GRM1: variants seen among roughly 807,000 people sequenced by gnomAD.
The protein encoded by GRM1 is metabotropic glutamate receptor 1.
In GRM1, 33 loss-of-function variants were observed where a neutral mutation model predicts 90.9. The ratio of observed to expected loss-of-function variants is 0.36; its 90% confidence interval spans 0.28 to 0.49. The LOEUF (loss-of-function observed/expected upper bound fraction) is 0.49, where lower values mean the gene tolerates loss of function less well. GRM1 is among the 20% of genes least tolerant of loss of function. GRM1 has a pLI of 0.99. For synonymous variants in GRM1, 700 were observed against 613.2 expected (o/e 1.14, Z -2.09); for missense variants, 1,190 against 1,534.3 (o/e 0.78, Z 3.75).
chr6:146,110,785 A>T (rs1775528072), intron 1 of GRM1, among the ~76,000 whole-genome samples: 1 of 152,178 alleles, frequency 6.6e-6, no homozygotes, highest in Non-Finnish European at 1.5e-5. Flanking sequence ...AGATGTTTAG[A>T]GATAAGGAAT....
At chr6:146,211,906 A>C (rs1321760994) in intron 2 of GRM1, among the ~76,000 whole-genome samples, 1 of 152,132 alleles carries the variant, frequency 6.6e-6, no homozygotes, top group East Asian at 1.9e-4. Context: ...TCATTAGGAG[A>C]GGTACATATT....
At chr6:146,418,402 A>G (rs1353685972) in intron 7 of GRM1, among the ~76,000 whole-genome samples, 1 of 151,746 alleles carries the variant, frequency 6.6e-6, no homozygotes, top group Non-Finnish European at 1.5e-5. Flanking sequence ...ATAAATATTT[A>G]CAGTGTGCAA....
intron 3 of GRM1, among the ~76,000 whole-genome samples, chr6:146,307,485 G>C (rs1283300664): frequency 1.3e-5 from 2 of 151,942 alleles, no homozygotes; most frequent in African/African-American, 4.8e-5. Context: ...TACCTACCTT[G>C]GTCTTCGGTT....
At chr6:146,364,776 ATTTTT>A (rs11389715) in intron 5 of GRM1, among the ~76,000 whole-genome samples, 4 of 141,792 alleles carry the variant, frequency 2.8e-5, no homozygotes, top group African/African-American at 1.0e-4. Flanking sequence ...CTCTTCTTCT[ATTTTT>A]TTTTTTTTTG....
chr6:146,135,695 A>C (rs946795118), intron 1 of GRM1, among the ~76,000 whole-genome samples: 3 of 152,190 alleles, frequency 2.0e-5, no homozygotes, highest in Non-Finnish European at 2.9e-5. Context: ...TATGGAGTAC[A>C]TAAGATATTT....
Position 146,029,708 on chromosome 6 carries a change from A to G in GRM1, c.191A>G (p.Glu64Gly). 6.2e-7 allele frequency: 1 copy of G among 1,614,040 alleles called. No homozygotes were observed. The highest frequency in any genetic ancestry group is 8.5e-7 in the Non-Finnish European group (1 of 1,180,016). ...HHQPPAEKVP[E>G]RKCGEIREQY... is the part of the protein sequence containing the mutation. ...CAGCCTCCGGCCGAGAAAGTGCCCGAGAGGAAGTGTGGGGAGATCAGGGAG... is the reference window on the plus strand; with the variant it reads ...CAGCCTCCGGCCGAGAAAGTGCCCGGGAGGAAGTGTGGGGAGATCAGGGAG... The change falls in exon 1 of 8, where the codon GAG (glutamate) becomes GGG (glycine). Residue 64 changes from glutamate (E) to glycine (G), a missense_variant. Physicochemically the swap from Glu to Gly is moderately conservative, Grantham distance 98 (BLOSUM62 -2). This residue lies in a region of GRM1 where 25 missense variants were observed against 65.9 expected (regional missense o/e 0.38). Coordinates refer to ENST00000282753, the MANE Select transcript of GRM1 (RefSeq NM_001278064.2).
intron 3 of GRM1, among the ~76,000 whole-genome samples, chr6:146,334,254 G>C (rs1224568773): frequency 2.0e-5 from 3 of 152,156 alleles, no homozygotes; most frequent in African/African-American, 4.8e-5. Flanking sequence ...TCTGCCTCTG[G>C]ACTAGATGTC....
At chr6:146,089,664 A>C (rs757427392) in intron 1 of GRM1, among the ~76,000 whole-genome samples, 1 of 152,026 alleles carries the variant, frequency 6.6e-6, no homozygotes, top group Non-Finnish European at 1.5e-5. Context: ...TGGTTACTGC[A>C]TGTTCTTTTA....
intron 1 of GRM1, among the ~76,000 whole-genome samples, chr6:146,116,504 T>C (rs1397612459): frequency 6.6e-6 from 1 of 152,214 alleles, no homozygotes; most frequent in Non-Finnish European, 1.5e-5. Flanking sequence ...TGTGCTTTAC[T>C]CATATATTGT....
intron 1 of GRM1, among the ~76,000 whole-genome samples, chr6:146,048,022 T>A (rs1791396541): frequency 6.6e-6 from 1 of 151,982 alleles, no homozygotes. Flanking sequence ...GTGAACACAT[T>A]CTGGATCCTT....
At chr6:146,312,719 G>A (rs1783819755) in intron 3 of GRM1, among the ~76,000 whole-genome samples, 1 of 152,170 alleles carries the variant, frequency 6.6e-6, no homozygotes, top group South Asian at 2.1e-4. Flanking sequence ...GATTGTTTCT[G>A]TAGTATTTGG....
At chr6:146,085,451 A>G (rs1480711567) in intron 1 of GRM1, among the ~76,000 whole-genome samples, 1 of 152,140 alleles carries the variant, frequency 6.6e-6, no homozygotes, top group African/African-American at 2.4e-5. Flanking sequence ...TTCTGATTCA[A>G]ACATGCCTCT....
chr6:146,349,389 A>G (rs955091170), intron 3 of GRM1, among the ~76,000 whole-genome samples: 1 of 151,878 alleles, frequency 6.6e-6, no homozygotes, highest in African/African-American at 2.4e-5. Flanking sequence ...CCGTATTAGT[A>G]TTATTGTAGA....
chr6:146,143,878 C>A (rs1776990869), intron 1 of GRM1, among the ~76,000 whole-genome samples: 1 of 152,122 alleles, frequency 6.6e-6, no homozygotes, highest in Admixed American at 6.5e-5. Context: ...AGTACAAACC[C>A]TGTATTTTGA....
At chr6:146,154,457 G>A (rs1262659566) in intron 1 of GRM1, among the ~76,000 whole-genome samples, 1 of 152,100 alleles carries the variant, frequency 6.6e-6, no homozygotes, top group Non-Finnish European at 1.5e-5. Flanking sequence ...GTCGTGACAT[G>A]TTTCCACAGT....
chr6:146,241,126 A>G (rs1253416790), intron 2 of GRM1, among the ~76,000 whole-genome samples: 1 of 152,142 alleles, frequency 6.6e-6, no homozygotes, highest in Non-Finnish European at 1.5e-5. Flanking sequence ...CCATCTAAGA[A>G]ATGAGAAGAA....
chr6:146,048,199 T>C (rs1791403197), intron 1 of GRM1, among the ~76,000 whole-genome samples: 1 of 152,044 alleles, frequency 6.6e-6, no homozygotes, highest in Admixed American at 6.6e-5. Context: ...TTAATATTTG[T>C]TGAATGAATA....
At chr6:146,182,658 G>A (rs1027327443) in intron 2 of GRM1, among the ~76,000 whole-genome samples, 22 of 152,084 alleles carry the variant, frequency 1.4e-4, no homozygotes, top group African/African-American at 4.3e-4. Context: ...TTGGATAAAT[G>A]GAGTGCTACC....
intron 7 of GRM1, among the ~76,000 whole-genome samples, chr6:146,400,209 T>A (rs574845672): frequency 6.6e-6 from 1 of 152,178 alleles, no homozygotes; most frequent in Non-Finnish European, 1.5e-5. Flanking sequence ...CATTTCAAAA[T>A]TTGATCACTA....
Sources: allele counts gnomAD v4.1 joint callset (sites outside exome capture counted in the v4.1 genomes callset), GRCh38; gene constraint gnomAD v4.1.1; regional missense constraint gnomAD v4.1.1; transcripts MANE v1.5; gene names NCBI Gene and HGNC (gene_info 2026-07-23, HGNC 2026-07-21).